Variants in TTLL5 observed in about 807,000 individuals in gnomAD.
TTLL5 encodes the protein tubulin polyglutamylase TTLL5.
TTLL5 carries 132 observed loss-of-function variants against 168.4 expected under a neutral mutation model. The observed-to-expected ratio is 0.78, with a 90% CI of 0.68 to 0.91. The LOEUF is 0.91. TTLL5 is among the 40% of genes least tolerant of loss of function. The pLI, the probability that TTLL5 is intolerant of heterozygous loss-of-function variation, is 0.00. For missense variants in TTLL5, 1,545 were observed against 1,581.5 expected (o/e 0.98, Z 0.39); for synonymous variants, 546 against 558.6 (o/e 0.98, Z 0.32).
At chr14:75,759,164 G>A (rs182995404) in intron 18 of TTLL5, among the ~76,000 whole-genome samples, 1 of 152,126 alleles carries the variant, frequency 6.6e-6, no homozygotes, top group African/African-American at 2.4e-5. Context: ...AGATAGAAAA[G>A]AGAGGATTTC....
chr14:75,814,678 A>G (rs1185901762), intron 27 of TTLL5: 1 of 152,248 alleles, frequency 6.6e-6, no homozygotes, highest in Non-Finnish European at 1.5e-5. Context: ...AAGAAAGACC[A>G]GAGGTTTTCT....
intron 28 of TTLL5, among the ~76,000 whole-genome samples, chr14:75,863,302 T>C (rs1348085000): frequency 6.6e-6 from 1 of 152,222 alleles, no homozygotes; most frequent in Non-Finnish European, 1.5e-5. Flanking sequence ...GTTCCTGCCT[T>C]AAGTTAGCCC....
At chr14:75,856,054 T>C (rs1897109207) in intron 28 of TTLL5, among the ~76,000 whole-genome samples, 2 of 152,216 alleles carry the variant, frequency 1.3e-5, no homozygotes. Flanking sequence ...GAAAATATGC[T>C]TTAATGAATG....
At chr14:75,845,898 G>A (rs78347631) in intron 28 of TTLL5, among the ~76,000 whole-genome samples, 3,174 of 152,098 alleles carry the variant, frequency 0.021, 143 homozygotes, top group South Asian at 0.15. Context: ...TGGTGATAGC[G>A]TACAAAGGAC....
intron 31 of TTLL5, among the ~76,000 whole-genome samples, chr14:75,923,012 T>C (rs2033883618): frequency 6.6e-6 from 1 of 152,226 alleles, no homozygotes; most frequent in South Asian, 2.1e-4. Context: ...CTAGTTTATT[T>C]GTCTGATGGT....
intron 20 of TTLL5, among the ~76,000 whole-genome samples, chr14:75,769,817 A>G (rs1004950505): frequency 3.9e-5 from 6 of 152,152 alleles, no homozygotes; most frequent in Non-Finnish European, 5.9e-5. Flanking sequence ...GGATTGATTC[A>G]GGGTAAAGTG....
intron 30 of TTLL5, among the ~76,000 whole-genome samples, chr14:75,899,737 T>G (rs1201363258): frequency 6.6e-6 from 1 of 152,086 alleles, no homozygotes; most frequent in East Asian, 1.9e-4. Context: ...TAGAGGATCT[T>G]CAGTAAAGAA....
At chr14:75,888,953 C>T (rs2032258073) in intron 30 of TTLL5, among the ~76,000 whole-genome samples, 1 of 144,874 alleles carries the variant, frequency 6.9e-6, no homozygotes, top group African/African-American at 2.5e-5. Context: ...AAAAAGAAGG[C>T]TTCATGGAGA....
intron 31 of TTLL5, among the ~76,000 whole-genome samples, chr14:75,942,670 A>G (rs1473232697): frequency 1.3e-5 from 2 of 152,216 alleles, no homozygotes; most frequent in Admixed American, 6.5e-5. Flanking sequence ...GGTGATTCTC[A>G]TAGTGCAGTT....
intron 29 of TTLL5, among the ~76,000 whole-genome samples, chr14:75,879,092 A>G (rs2031662634): frequency 6.6e-6 from 1 of 152,210 alleles, no homozygotes; most frequent in African/African-American, 2.4e-5. Flanking sequence ...GGAAACTAAA[A>G]TTAATCATAT....
chr14:75,707,086 T>C lies in TTLL5; in HGVS notation c.654T>C (p.Asp218=), dbSNP rs953769070. 2 of 1,612,146 alleles carry C rather than the reference T, an allele frequency of 1.2e-6. No individual in the cohort carries two copies. The highest frequency in any genetic ancestry group is 1.3e-5 in the African/African-American group (1 of 74,950). ...SRYINNPLLI[D]DFKFDVRLYV... is the part of the protein sequence containing the mutation. ...ACATTAACAACCCCCTGCTCATAGA[T>C]GGTGAGTTGTGATTAGGCCCTTGAC... Residue 218 remains aspartate (D), a splice_region_variant and synonymous_variant, in exon 8 of 32, where the codon GAT becomes GAC. Coordinates refer to ENST00000298832, the MANE Select transcript of TTLL5 (RefSeq NM_015072.5).
chr14:75,787,747 T>C (rs1257664810), intron 26 of TTLL5, among the ~76,000 whole-genome samples: 1 of 152,156 alleles, frequency 6.6e-6, no homozygotes, highest in Non-Finnish European at 1.5e-5. Context: ...ATACCCTACA[T>C]CATAAACAAG....
intron 31 of TTLL5, among the ~76,000 whole-genome samples, chr14:75,906,915 A>G (rs1490835961): frequency 1.3e-5 from 2 of 152,188 alleles, no homozygotes; most frequent in Non-Finnish European, 2.9e-5. Context: ...AACTTTCTCT[A>G]CTATTACTAG....
At chr14:75,800,394 G>C (rs1893232063) in intron 27 of TTLL5, among the ~76,000 whole-genome samples, 1 of 151,740 alleles carries the variant, frequency 6.6e-6, no homozygotes, top group Admixed American at 6.6e-5. Flanking sequence ...TATTTTTTTA[G>C]TTTCTTTAAA....
At chr14:75,892,622 C>T (rs1218164517) in intron 30 of TTLL5, among the ~76,000 whole-genome samples, 1 of 152,052 alleles carries the variant, frequency 6.6e-6, no homozygotes, top group Admixed American at 6.5e-5. Context: ...CAGAACAGTC[C>T]CTCACTACAA....
chr14:75,752,826 G>C, intron 17 of TTLL5, 67 bp from the exon 18 acceptor site: 8 of 1,433,650 alleles, frequency 5.6e-6, no homozygotes, highest in Non-Finnish European at 7.8e-6. Context: ...TTGATTCATG[G>C]TTGTATTTCT....
chr14:75,681,742 T>A, intron 4 of TTLL5, 115 bp downstream of exon 4: 5 of 804,294 alleles, frequency 6.2e-6, no homozygotes, highest in Non-Finnish European at 1.0e-5. Flanking sequence ...GACCAATGCT[T>A]AGTGGTGGTC....
At chr14:75,850,348 G>C (rs928386521) in intron 28 of TTLL5, among the ~76,000 whole-genome samples, 1 of 145,466 alleles carries the variant, frequency 6.9e-6, no homozygotes, top group Non-Finnish European at 1.5e-5. Flanking sequence ...AGAGGTTGCA[G>C]TGAGCCAAGA....
chr14:75,821,513 A>G (rs1894830964), intron 28 of TTLL5, among the ~76,000 whole-genome samples: 1 of 152,354 alleles, frequency 6.6e-6, no homozygotes, highest in African/African-American at 2.4e-5. Flanking sequence ...TAATGTCTGT[A>G]TGACAAGGCT....
Sources: gnomAD v4.1 joint callset for allele counts (sites outside exome capture counted in the v4.1 genomes callset) on GRCh38, gnomAD v4.1.1 for gene constraint, MANE v1.5 for transcripts, NCBI Gene and HGNC (gene_info 2026-07-23, HGNC 2026-07-21) for gene names.